Variants in RSPO4 observed in about 807,000 individuals in gnomAD.
RSPO4 encodes R-spondin-4.
In RSPO4, 23 loss-of-function variants were observed where a neutral mutation model predicts 24.8. The observed-to-expected ratio is 0.93, with a 90% CI of 0.67 to 1.31. The LOEUF (loss-of-function observed/expected upper bound fraction) is 1.31. Among genes scored for constraint, RSPO4 ranks in the 40% most tolerant of loss-of-function variants. The pLI, the probability that RSPO4 is intolerant of heterozygous loss-of-function variation, is 0.00. For missense variants in RSPO4, 333 were observed against 316.5 expected, an observed-to-expected ratio of 1.05 and a Z score of -0.39; for synonymous variants, 141 against 127.4, an observed-to-expected ratio of 1.11 and a Z score of -0.72.
At chr20:968,173 G>A in intron 1 of RSPO4, 35 bp from the exon 2 acceptor site, 1 of 1,598,804 alleles carries the variant, frequency 6.3e-7, no homozygotes, top group Non-Finnish European at 8.6e-7. Context: ...GAGGGGGAAA[G>A]GGAGAGAGAG....
At chr20:979,464 G>T (rs912731639) in intron 1 of RSPO4, among the ~76,000 whole-genome samples, 1 of 152,182 alleles carries the variant, frequency 6.6e-6, no homozygotes, top group African/African-American at 2.4e-5. Flanking sequence ...TACTCTCTAC[G>T]TAGAAACACT....
intron 1 of RSPO4, among the ~76,000 whole-genome samples, chr20:989,872 T>C (rs113792978): frequency 7.9e-5 from 12 of 152,274 alleles, no homozygotes; most frequent in African/African-American, 2.6e-4. Flanking sequence ...CTCTGGCCGA[T>C]TTTCAAAGGG....
At chr20:992,134 C>T (rs1043563567) in intron 1 of RSPO4, among the ~76,000 whole-genome samples, 1 of 152,132 alleles carries the variant, frequency 6.6e-6, no homozygotes, top group East Asian at 1.9e-4. Flanking sequence ...TGGCTTCCCC[C>T]CAAAATAGCC....
intron 1 of RSPO4, among the ~76,000 whole-genome samples, chr20:995,795 G>A (rs920887694): frequency 2.0e-5 from 3 of 152,124 alleles, no homozygotes; most frequent in African/African-American, 7.2e-5. Flanking sequence ...ACTGAAAGGG[G>A]CTGAGCACAG....
At chr20:971,379 A>T (rs759131406) in intron 1 of RSPO4, among the ~76,000 whole-genome samples, 2 of 152,228 alleles carry the variant, frequency 1.3e-5, no homozygotes, top group African/African-American at 2.4e-5. Context: ...ACCTAGAGAA[A>T]CCCTTGTATA....
At chr20:962,929 C>A (rs1984051364) in intron 4 of RSPO4, among the ~76,000 whole-genome samples, 1 of 152,200 alleles carries the variant, frequency 6.6e-6, no homozygotes, top group South Asian at 2.1e-4. Flanking sequence ...GCTAATAACA[C>A]CTACCGCATA....
At chr20:972,043 C>T (rs1039117556) in intron 1 of RSPO4, among the ~76,000 whole-genome samples, 3 of 152,190 alleles carry the variant, frequency 2.0e-5, no homozygotes, top group African/African-American at 7.2e-5. Flanking sequence ...ACTCTCCCCT[C>T]ATCCTCAGTA....
chr20:971,372 T>C (rs1984402451), intron 1 of RSPO4, among the ~76,000 whole-genome samples: 1 of 152,252 alleles, frequency 6.6e-6, no homozygotes, highest in South Asian at 2.1e-4. Flanking sequence ...AACACTGACC[T>C]AGAGAAACCC....
At chr20:977,001 AC>A (rs977651336) in intron 1 of RSPO4, among the ~76,000 whole-genome samples, 5 of 152,054 alleles carry the variant, frequency 3.3e-5, no homozygotes, top group Admixed American at 2.0e-4. Context: ...TGCAGACCCT[AC>A]CCCTCCCTAT....
intron 4 of RSPO4, among the ~76,000 whole-genome samples, chr20:962,811 C>T (rs1002923079): frequency 2.0e-5 from 3 of 152,166 alleles, no homozygotes; most frequent in Admixed American, 6.5e-5. Context: ...CTTTGCATGA[C>T]GAGTTACGTT....
At chr20:968,403 C>T (rs1353363586) in intron 1 of RSPO4, among the ~76,000 whole-genome samples, 1 of 152,250 alleles carries the variant, frequency 6.6e-6, no homozygotes, top group African/African-American at 2.4e-5. Context: ...GTCCCCTCAT[C>T]CTTTCTGTTG....
intron 1 of RSPO4, among the ~76,000 whole-genome samples, chr20:992,393 G>A (rs1985139490): frequency 6.6e-6 from 1 of 151,176 alleles, no homozygotes; most frequent in South Asian, 2.1e-4. Flanking sequence ...CAGCACTTAG[G>A]ACCACCCTAT....
Position 964,795 on chromosome 20 carries a change from T to TAC in RSPO4, c.410-676_410-675insGT, listed in dbSNP as rs1327859655. Among the ~76,000 whole-genome samples the TAC allele has an allele frequency of 9.3e-3, 1,010 of 108,544 alleles. 10 individuals are homozygous for TAC. Among genetic ancestry groups the TAC allele is most frequent in the South Asian group, 0.029 (98 of 3,396 alleles). 71.2% of individuals were successfully genotyped at this position (108,544 alleles called of 152,430 possible). ...ACACACACATATATATATACACATA[T>TAC]ATACACACATACACACACACACACA... On this transcript the variant is annotated intron_variant, in intron 3 of 4. Coordinates refer to ENST00000217260, the MANE Select transcript of RSPO4 (RefSeq NM_001029871.4).
At chr20:986,667 G>A (rs191276184) in intron 1 of RSPO4, among the ~76,000 whole-genome samples, 137 of 144,294 alleles carry the variant, frequency 9.5e-4, no homozygotes, top group South Asian at 2.4e-3. Flanking sequence ...GGGGTGGGGG[G>A]TGCATGGAAA....
chr20:998,085 A>G (rs972249264), intron 1 of RSPO4, among the ~76,000 whole-genome samples: 1 of 152,206 alleles, frequency 6.6e-6, no homozygotes, highest in Non-Finnish European at 1.5e-5. Context: ...CACGGACGGG[A>G]GAAGGCATGT....
intron 4 of RSPO4, among the ~76,000 whole-genome samples, chr20:963,170 G>A (rs1207809009): frequency 2.6e-5 from 4 of 152,134 alleles, no homozygotes; most frequent in East Asian, 1.9e-4. Context: ...GACGGCAATC[G>A]GGATCCAGCG....
At chr20:999,210 T>C (rs1985388927) in intron 1 of RSPO4, among the ~76,000 whole-genome samples, 1 of 152,138 alleles carries the variant, frequency 6.6e-6, no homozygotes, top group African/African-American at 2.4e-5. Context: ...TTGTAGAGTT[T>C]TGCCATGTTG....
chr20:1,000,700 C>T (rs184792587), intron 1 of RSPO4, among the ~76,000 whole-genome samples: 157 of 152,322 alleles, frequency 1.0e-3, no homozygotes, highest in Non-Finnish European at 1.8e-3. Flanking sequence ...ACTCAGTTGA[C>T]CTGGCTCCAG....
At chr20:983,196 A>T (rs1024662230) in intron 1 of RSPO4, among the ~76,000 whole-genome samples, 2 of 152,090 alleles carry the variant, frequency 1.3e-5, no homozygotes, top group African/African-American at 4.8e-5. Context: ...AGGAATTAGG[A>T]CCTTTGCTCC....
Sources: gnomAD v4.1 joint callset for allele counts (sites outside exome capture counted in the v4.1 genomes callset) on GRCh38, gnomAD v4.1.1 for gene constraint, MANE v1.5 for transcripts, NCBI Gene and HGNC (gene_info 2026-07-23, HGNC 2026-07-21) for gene names.